CDNF: variants seen among roughly 807,000 people sequenced by gnomAD.
The protein encoded by CDNF is cerebral dopamine neurotrophic factor.
A neutral mutation model predicts 14.8 loss-of-function variants in CDNF; 9 were observed. That is an observed-to-expected ratio of 0.61 (90% CI 0.37 to 1.06). The LOEUF is 1.06. CDNF is among the 50% of genes least tolerant of loss of function. The pLI, the probability that CDNF is intolerant of heterozygous loss-of-function variation, is 0.01. For missense variants in CDNF, 228 were observed against 228.4 expected (o/e 1.00, Z 0.01); for synonymous variants, 86 against 87.2 (o/e 0.99, Z 0.07).
intron 1 of CDNF, among the ~76,000 whole-genome samples, chr10:14,835,467 G>GC (rs151163539): frequency 0.01 from 1,583 of 152,260 alleles, 15 homozygotes; most frequent in Non-Finnish European, 0.014. Context: ...ACACCACAAA[G>GC]AAGTCAAGGT....
At chr10:14,828,518 G>A (rs138782477) in intron 1 of CDNF, among the ~76,000 whole-genome samples, 2,938 of 150,838 alleles carry the variant, frequency 0.019, 43 homozygotes, top group Non-Finnish European at 0.031. Flanking sequence ...ATGGTGGCGC[G>A]TGCCTATAGT....
chr10:14,822,448 C>T (rs1472191697), intron 3 of CDNF, among the ~76,000 whole-genome samples: 2 of 152,086 alleles, frequency 1.3e-5, no homozygotes, highest in East Asian at 1.9e-4. Flanking sequence ...TGGGGGCACA[C>T]ACCTGTAATC....
Position 14,820,003 on chromosome 10 carries a change from T to A in CDNF, c.541A>T (p.Thr181Ser), listed in dbSNP as rs367858997. ...IQELAPKYAA[T>S]HPKTEL ...GATCAGAGCTCTGTTTTGGGGTGTG[T>A]CGCTGCATACTTGGGGGCCAGCTCT... Residue 181 changes from threonine (T) to serine (S), a missense_variant, in exon 4 of 4, where the codon ACA becomes TCA. Thr to Ser is a moderately conservative substitution (Grantham distance 58). Transcript: ENST00000465530. 5.6e-6 allele frequency: 9 copies of A among 1,613,952 alleles called. No homozygotes were observed. Among genetic ancestry groups the A allele is most frequent in the Non-Finnish European group, 8.5e-7 (1 of 1,179,994 alleles).
chr10:14,820,885 C>G (rs1224764865), intron 3 of CDNF, among the ~76,000 whole-genome samples: 2 of 152,126 alleles, frequency 1.3e-5, no homozygotes, highest in African/African-American at 2.4e-5. Flanking sequence ...GGACTTCACC[C>G]TAGCTTTTCT....
At chr10:14,833,328 C>T (rs941055014) in intron 1 of CDNF, among the ~76,000 whole-genome samples, 1 of 152,102 alleles carries the variant, frequency 6.6e-6, no homozygotes, top group African/African-American at 2.4e-5. Context: ...CTGCACAGAA[C>T]AAAATAGACC....
Position 14,819,869 on chromosome 10 carries a change from A to G in CDNF, c.*111T>C. ...TCTGAGGAATAATACCAACACAAAA[A>G]GCATGAGACCAAATATGATGCATTC... On this transcript the variant is annotated 3_prime_UTR_variant, in exon 4 of 4. Transcript: ENST00000465530. The G allele has an allele frequency of 9.2e-7, 1 of 1,087,248 alleles. No homozygotes were observed. The highest frequency in any genetic ancestry group is 1.6e-5 in the South Asian group (1 of 61,044). The allele number at this position is 1,087,248 out of a possible 1,614,324, so 67.4% of individuals were successfully genotyped here. A position where few individuals can be genotyped will look rare whatever the true frequency, so the allele number is the denominator to read the frequency against.
chr10:14,829,646 T>C (rs1031651440), intron 1 of CDNF, among the ~76,000 whole-genome samples: 20 of 152,218 alleles, frequency 1.3e-4, no homozygotes, highest in African/African-American at 4.8e-4. Context: ...GTTTGTTTTT[T>C]AAGACGAAGT....
chr10:14,832,636 T>C (rs11814733), intron 1 of CDNF, among the ~76,000 whole-genome samples: 2,156 of 152,220 alleles, frequency 0.014, 60 homozygotes, highest in African/African-American at 0.048. Flanking sequence ...TGAGAAGTGG[T>C]TACACTCTGG....
At chr10:14,826,134 A>AGGAGC (rs1564313540) in intron 2 of CDNF, among the ~76,000 whole-genome samples, 12 of 120,548 alleles carry the variant, frequency 1.0e-4, no homozygotes, top group African/African-American at 4.2e-4. Context: ...GAAGCAGGAG[A>AGGAGC]AGGAGAAGGA....
At chr10:14,829,241 G>C (rs1833824148) in intron 1 of CDNF, among the ~76,000 whole-genome samples, 1 of 152,182 alleles carries the variant, frequency 6.6e-6, no homozygotes, top group Non-Finnish European at 1.5e-5. Context: ...TAAGCACAGA[G>C]AAAAACCTGA....
At chr10:14,833,821 GA>G (rs1208564425) in intron 1 of CDNF, among the ~76,000 whole-genome samples, 1 of 152,096 alleles carries the variant, frequency 6.6e-6, no homozygotes, top group Non-Finnish European at 1.5e-5. Flanking sequence ...AAAACAACCA[GA>G]AAAAGACGGA....
intron 2 of CDNF, among the ~76,000 whole-genome samples, chr10:14,827,717 T>C (rs1410906371): frequency 1.4e-4 from 22 of 151,926 alleles, no homozygotes; most frequent in Admixed American, 1.4e-3. Flanking sequence ...ACATGGTGAA[T>C]CCCTGTCTCT....
intron 1 of CDNF, among the ~76,000 whole-genome samples, chr10:14,834,599 T>C (rs1482814806): frequency 1.3e-5 from 2 of 152,208 alleles, no homozygotes; most frequent in African/African-American, 4.8e-5. Flanking sequence ...CAAAATTTTA[T>C]CACAGCATAT....
intron 1 of CDNF, among the ~76,000 whole-genome samples, chr10:14,831,662 C>T (rs1270818248): frequency 6.7e-6 from 1 of 150,124 alleles, no homozygotes; most frequent in Non-Finnish European, 1.5e-5. Flanking sequence ...CAACCTCCAC[C>T]TTCTGAGGTT....
At chr10:14,831,137 T>C (rs940686238) in intron 1 of CDNF, among the ~76,000 whole-genome samples, 7 of 152,202 alleles carry the variant, frequency 4.6e-5, no homozygotes, top group African/African-American at 1.4e-4. Context: ...CCCTTTATAA[T>C]GAAGGGCTAG....
chr10:14,829,103 G>C (rs1833822906), intron 1 of CDNF, among the ~76,000 whole-genome samples: 1 of 152,164 alleles, frequency 6.6e-6, no homozygotes, highest in Non-Finnish European at 1.5e-5. Flanking sequence ...AAATGCAGTG[G>C]ACACATTGTA....
chr10:14,820,276 G>T, intron 3 of CDNF, 118 bp from the exon 4 acceptor site: 1 of 992,730 alleles, frequency 1.0e-6, no homozygotes, highest in Non-Finnish European at 1.5e-6. Flanking sequence ...ATGATCCAAG[G>T]CAGGGAAGAA....
At chr10:14,834,320 G>A (rs894018417) in intron 1 of CDNF, 1 of 151,408 alleles carries the variant, frequency 6.6e-6, no homozygotes, top group African/African-American at 2.4e-5. Flanking sequence ...CAACCTGGGT[G>A]ACAGAGTGAG....
chr10:14,820,014 T>C lies in CDNF; in HGVS notation c.530A>G (p.Lys177Arg), dbSNP rs748926273. ...TGTTTTGGGGTGTGTCGCTGCATAC[T>C]TGGGGGCCAGCTCTTGAATGAGATT... ...YVNLIQELAP[K>R]YAATHPKTEL Residue 177 changes from lysine (K) to arginine (R), a missense_variant, in exon 4 of 4, where the codon AAG becomes AGG. Coordinates refer to ENST00000465530, the MANE Select transcript of CDNF (RefSeq NM_001029954.3). 7.4e-6 allele frequency: 12 copies of C among 1,614,130 alleles called. No individual in the cohort carries two copies. The highest frequency in any genetic ancestry group is 5.0e-5 in the Admixed American group (3 of 60,014).
Sources: gnomAD v4.1 joint callset for allele counts (sites outside exome capture counted in the v4.1 genomes callset) on GRCh38, gnomAD v4.1.1 for gene constraint, MANE v1.5 for transcripts, NCBI Gene and HGNC (gene_info 2026-07-23, HGNC 2026-07-21) for gene names.